Variants in LRRIQ3 observed in about 807,000 individuals in gnomAD.
LRRIQ3 encodes the protein leucine rich repeats and IQ motif containing 3.
Under a neutral mutation model 59.3 loss-of-function variants are expected in LRRIQ3, and 75 were observed. The observed-to-expected ratio is 1.26, with a 90% CI of 1.05 to 1.53. The LOEUF (loss-of-function observed/expected upper bound fraction) is 1.53. Ranked by LOEUF, LRRIQ3 falls within the 40% of genes most tolerant of loss-of-function variation. The pLI, the probability that LRRIQ3 is intolerant of heterozygous loss-of-function variation, is 0.00. For missense variants in LRRIQ3, 831 were observed against 710.0 expected, an observed-to-expected ratio of 1.17 and a Z score of -1.94; for synonymous variants, 250 against 231.3, an observed-to-expected ratio of 1.08 and a Z score of -0.73.
chr1:74,172,837 A>T (rs1649410013), intron 3 of LRRIQ3, among the ~76,000 whole-genome samples: 1 of 151,962 alleles, frequency 6.6e-6, no homozygotes, highest in South Asian at 2.1e-4. Flanking sequence ...GTCTTTTGTA[A>T]GTTTTTTAAT....
chr1:74,159,742 C>G (rs1648553088), intron 3 of LRRIQ3, among the ~76,000 whole-genome samples: 1 of 152,018 alleles, frequency 6.6e-6, no homozygotes, highest in Admixed American at 6.6e-5. Flanking sequence ...AAATTACAGG[C>G]ATATAAAATA....
At chr1:74,192,600 TATTA>T (rs1650838117) in intron 1 of LRRIQ3, among the ~76,000 whole-genome samples, 1 of 152,134 alleles carries the variant, frequency 6.6e-6, no homozygotes, top group African/African-American at 2.4e-5. Flanking sequence ...CCATACACTA[TATTA>T]ATTTACATTC....
intron 7 of LRRIQ3, 128 bp downstream of exon 7, chr1:74,041,084 GT>G (rs1331639623): frequency 2.7e-6 from 2 of 746,110 alleles, no homozygotes; most frequent in Admixed American, 3.3e-5. Flanking sequence ...TTTGTTCTTT[GT>G]TTTAATTTTT....
chr1:74,057,317 A>G (rs1466487074), intron 6 of LRRIQ3, among the ~76,000 whole-genome samples: 1 of 152,128 alleles, frequency 6.6e-6, no homozygotes, highest in African/African-American at 2.4e-5. Context: ...AATGTCAGGT[A>G]GTGGAAGCAT....
chr1:74,082,212 A>T (rs1646280477), intron 5 of LRRIQ3: 1 of 151,634 alleles, frequency 6.6e-6, no homozygotes, highest in South Asian at 2.1e-4. Context: ...AAAACAAGAA[A>T]AAAAGGCATT....
chr1:74,187,690 C>A (rs1235495270), intron 1 of LRRIQ3, among the ~76,000 whole-genome samples: 1 of 151,910 alleles, frequency 6.6e-6, no homozygotes, highest in Non-Finnish European at 1.5e-5. Flanking sequence ...CACTAAAGAA[C>A]CTATCCATGT....
At chr1:74,134,665 T>C (rs933555556) in intron 4 of LRRIQ3, among the ~76,000 whole-genome samples, 1 of 151,988 alleles carries the variant, frequency 6.6e-6, no homozygotes, top group African/African-American at 2.4e-5. Flanking sequence ...TATATTTTAC[T>C]GAAATAAAGG....
Position 74,055,203 on chromosome 1 carries a change from TATATATATACAC to T in LRRIQ3, c.998-13282_998-13271del, listed in dbSNP as rs904151230. Among the ~76,000 whole-genome samples the T allele has an allele frequency of 7.6e-5, 10 of 131,270 alleles. No homozygotes were observed. The Admixed American group carries it at 7.7e-4, about 10-fold the overall frequency. 86.1% of individuals were successfully genotyped at this position (131,270 alleles called of 152,430 possible). On this transcript the variant is annotated intron_variant, in intron 6 of 7. Coordinates refer to ENST00000354431, the MANE Select transcript of LRRIQ3 (RefSeq NM_001105659.2). Reference sequence around the variant, plus strand: ...CTTTATATATATATATATATATATATATATATATACACACACATACATATAAAGGGTATGATT... The same window carrying T: ...CTTTATATATATATATATATATATATACACATACATATAAAGGGTATGATT...
At chr1:74,163,529 T>C (rs1230376398) in intron 3 of LRRIQ3, among the ~76,000 whole-genome samples, 1 of 151,646 alleles carries the variant, frequency 6.6e-6, no homozygotes, top group East Asian at 1.9e-4. Context: ...GTTGAAATAA[T>C]TTTATATAAG....
chr1:74,105,245 G>C (rs1303555769), intron 5 of LRRIQ3, among the ~76,000 whole-genome samples: 7 of 64,334 alleles, frequency 1.1e-4, no homozygotes, highest in Non-Finnish European at 2.6e-4. Context: ...TGTGGTGTGT[G>C]TGTGTGTGTG....
chr1:74,184,809 TG>T (rs1268369060), intron 1 of LRRIQ3, among the ~76,000 whole-genome samples: 1 of 152,154 alleles, frequency 6.6e-6, no homozygotes, highest in African/African-American at 2.4e-5. Flanking sequence ...GAGTCAGATA[TG>T]GAATACACAG....
At chr1:74,036,506 G>A (rs77140499) in intron 7 of LRRIQ3, among the ~76,000 whole-genome samples, 2 of 152,136 alleles carry the variant, frequency 1.3e-5, no homozygotes, top group African/African-American at 4.8e-5. Flanking sequence ...ACATTTTGAT[G>A]AAATAAATTT....
chr1:74,041,615 T>G lies in LRRIQ3; in HGVS notation c.1316A>C (p.Lys439Thr). The change falls in exon 7 of 8, where the codon AAA (lysine) becomes ACA (threonine). Residue 439 changes from lysine (K) to threonine (T), a missense_variant. Physicochemically the swap from Lys to Thr is moderately conservative, Grantham distance 78 (BLOSUM62 -1). Coordinates refer to ENST00000354431, the MANE Select transcript of LRRIQ3 (RefSeq NM_001105659.2). ...EQKKQEYHKE[K>T]VRVVAMAQVA... The stretch of plus-strand genomic sequence containing the variant: ...TTGTGCCATGGCTACAACTCTTACT[T>G]TTTCTTTATGGTATTCCTGCTTCTT... The G allele has an allele frequency of 6.2e-7, 1 of 1,613,808 alleles. No homozygotes were observed. The highest frequency in any genetic ancestry group is 8.5e-7 in the Non-Finnish European group (1 of 1,179,856).
intron 3 of LRRIQ3, among the ~76,000 whole-genome samples, chr1:74,160,987 C>A (rs893554182): frequency 2.6e-5 from 4 of 152,058 alleles, no homozygotes; most frequent in African/African-American, 9.7e-5. Flanking sequence ...CTTAGTCCAT[C>A]TGGGTAGCTA....
intron 3 of LRRIQ3, chr1:74,180,996 T>C (rs1649943462): frequency 3.6e-6 from 2 of 549,818 alleles, no homozygotes; most frequent in Non-Finnish European, 6.4e-6. Context: ...TCTCTGTGCC[T>C]TTCCCTTGGA....
intron 6 of LRRIQ3, among the ~76,000 whole-genome samples, chr1:74,053,873 C>A (rs905829121): frequency 2.0e-5 from 3 of 152,146 alleles, no homozygotes; most frequent in Non-Finnish European, 2.9e-5. Flanking sequence ...ACACCAAATA[C>A]TGATGAGGTT....
At chr1:74,150,038 C>T (rs1647825571) in intron 4 of LRRIQ3, among the ~76,000 whole-genome samples, 1 of 152,124 alleles carries the variant, frequency 6.6e-6, no homozygotes, top group African/African-American at 2.4e-5. Flanking sequence ...AAGAGAAATG[C>T]AGTATATCCG....
At chr1:74,042,752 A>G (rs958468643) in intron 6 of LRRIQ3, among the ~76,000 whole-genome samples, 2 of 152,116 alleles carry the variant, frequency 1.3e-5, no homozygotes. Flanking sequence ...CAAAATTACT[A>G]AAACTCTTAG....
chr1:74,072,313 T>C (rs1332740071), intron 6 of LRRIQ3, among the ~76,000 whole-genome samples: 1 of 152,194 alleles, frequency 6.6e-6, no homozygotes, highest in East Asian at 1.9e-4. Context: ...TAATTGATAA[T>C]ACCAGAACCA....
Sources: gnomAD v4.1 joint callset for allele counts (sites outside exome capture counted in the v4.1 genomes callset) on GRCh38, gnomAD v4.1.1 for gene constraint, MANE v1.5 for transcripts, NCBI Gene and HGNC (gene_info 2026-07-23, HGNC 2026-07-21) for gene names.